The following MSI2 variants were observed in gnomAD, a reference collection of about 807,000 sequenced individuals.
MSI2 encodes the protein musashi RNA binding protein 2, also known as RNA-binding protein Musashi homolog 2.
In MSI2, 17 loss-of-function variants were observed where a neutral mutation model predicts 45.6. That is an observed-to-expected ratio of 0.37 (90% confidence interval 0.26 to 0.56). MSI2 has a LOEUF of 0.56. Among genes scored for constraint, MSI2 ranks in the 20% least tolerant of loss-of-function variants. The pLI is 0.77. For synonymous variants in MSI2, 156 were observed against 158.2 expected, an observed-to-expected ratio of 0.99 and a Z score of 0.11; for missense variants, 293 against 444.2, an observed-to-expected ratio of 0.66 and a Z score of 3.06.
intron 7 of MSI2, among the ~76,000 whole-genome samples, chr17:57,561,388 C>T (rs958899925): frequency 6.6e-6 from 1 of 152,190 alleles, no homozygotes; most frequent in African/African-American, 2.4e-5. Context: ...ACAAAAATCC[C>T]CGCTCTTGCT....
chr17:57,387,171 T>C (rs376164872), intron 5 of MSI2, among the ~76,000 whole-genome samples: 19 of 152,354 alleles, frequency 1.2e-4, no homozygotes, highest in East Asian at 9.6e-4. Context: ...TATCTTTTCC[T>C]TTTTTCTTTT....
At chr17:57,376,311 G>A (rs1404117292) in intron 5 of MSI2, among the ~76,000 whole-genome samples, 2 of 152,222 alleles carry the variant, frequency 1.3e-5, no homozygotes, top group African/African-American at 2.4e-5. Flanking sequence ...TCAAAGGGAT[G>A]AAGAGTCTTG....
intron 6 of MSI2, among the ~76,000 whole-genome samples, chr17:57,404,023 G>A (rs1309567845): frequency 6.6e-6 from 1 of 152,086 alleles, no homozygotes; most frequent in Non-Finnish European, 1.5e-5. Context: ...ATTTCTAACT[G>A]TATGAAATTG....
chr17:57,610,333 T>C (rs1027514599), intron 8 of MSI2, among the ~76,000 whole-genome samples: 1 of 151,940 alleles, frequency 6.6e-6, no homozygotes, highest in Admixed American at 6.6e-5. Context: ...GCACCTATAG[T>C]CCCAGCTACT....
chr17:57,513,257 A>G (rs542071359), intron 6 of MSI2, among the ~76,000 whole-genome samples: 45 of 152,154 alleles, frequency 3.0e-4, no homozygotes, highest in Non-Finnish European at 5.6e-4. Flanking sequence ...TACAGGCATG[A>G]GCCACCACGC....
At chr17:57,473,719 GCCC>G (rs1191096923) in intron 6 of MSI2, among the ~76,000 whole-genome samples, 1 of 152,158 alleles carries the variant, frequency 6.6e-6, no homozygotes, top group Non-Finnish European at 1.5e-5. Flanking sequence ...ATGTTTGGTT[GCCC>G]CTGGAATCCA....
chr17:57,284,329 C>T (rs895458346), intron 5 of MSI2, among the ~76,000 whole-genome samples: 2 of 152,116 alleles, frequency 1.3e-5, no homozygotes, highest in African/African-American at 2.4e-5. Context: ...TGCCATCCAC[C>T]CCGCACCCGC....
chr17:57,476,066 T>A (rs148417463), intron 6 of MSI2, among the ~76,000 whole-genome samples: 1 of 152,336 alleles, frequency 6.6e-6, no homozygotes, highest in Non-Finnish European at 1.5e-5. Flanking sequence ...GTGTGTAATC[T>A]TTGTATTCTG....
intron 8 of MSI2, among the ~76,000 whole-genome samples, chr17:57,614,637 G>C (rs931648747): frequency 6.6e-6 from 1 of 152,084 alleles, no homozygotes; most frequent in Non-Finnish European, 1.5e-5. Flanking sequence ...AAAAGCATCC[G>C]TGCCTTACCC....
chr17:57,560,047 G>A (rs893808926), intron 7 of MSI2, among the ~76,000 whole-genome samples: 12 of 152,264 alleles, frequency 7.9e-5, no homozygotes, highest in Non-Finnish European at 1.6e-4. Context: ...ATTATACCAT[G>A]TTAACAGCTT....
intron 7 of MSI2, among the ~76,000 whole-genome samples, chr17:57,555,115 A>T (rs1192830357): frequency 1.3e-5 from 2 of 152,178 alleles, no homozygotes; most frequent in Non-Finnish European, 2.9e-5. Context: ...CCACTGACCC[A>T]TGTCCCTTCC....
chr17:57,672,573 A>G (rs571489402), intron 11 of MSI2, among the ~76,000 whole-genome samples: 14 of 152,214 alleles, frequency 9.2e-5, no homozygotes, highest in Non-Finnish European at 1.9e-4. Context: ...CCCATTAGTT[A>G]GGTGGGCCTG....
At chr17:57,358,229 T>C (rs1057267433) in intron 5 of MSI2, among the ~76,000 whole-genome samples, 1 of 142,884 alleles carries the variant, frequency 7.0e-6, no homozygotes, top group African/African-American at 2.5e-5. Flanking sequence ...GTGTGTGTGT[T>C]TATGGACAGC....
At chr17:57,560,516 T>C (rs1791971652) in intron 7 of MSI2, among the ~76,000 whole-genome samples, 2 of 152,206 alleles carry the variant, frequency 1.3e-5, no homozygotes, top group African/African-American at 2.4e-5. Flanking sequence ...AGAAGAGTGG[T>C]TGGGAAACAA....
chr17:57,555,401 C>A (rs1026062681), intron 7 of MSI2, among the ~76,000 whole-genome samples: 1 of 152,228 alleles, frequency 6.6e-6, no homozygotes, highest in African/African-American at 2.4e-5. Context: ...TCAGGCGCCT[C>A]AGTGTGGCCT....
At chr17:57,306,511 C>A (rs1911913977) in intron 5 of MSI2, among the ~76,000 whole-genome samples, 1 of 150,946 alleles carries the variant, frequency 6.6e-6, no homozygotes, top group Non-Finnish European at 1.5e-5. Flanking sequence ...GAGTTCCCAT[C>A]AGGGTTCTGC....
chr17:57,374,319 A>G (rs1007908333), intron 5 of MSI2, among the ~76,000 whole-genome samples: 3 of 152,214 alleles, frequency 2.0e-5, no homozygotes, highest in Non-Finnish European at 2.9e-5. Context: ...TTCAAATCCA[A>G]TTCCAACTTG....
chr17:57,646,549 C>A (rs1910676262), intron 10 of MSI2, among the ~76,000 whole-genome samples: 1 of 152,168 alleles, frequency 6.6e-6, no homozygotes, highest in Non-Finnish European at 1.5e-5. Flanking sequence ...TCATCTTGCC[C>A]AACCTCCTTG....
intron 6 of MSI2, chr17:57,522,456 T>C (rs1805561911): frequency 6.6e-6 from 1 of 151,998 alleles, no homozygotes; most frequent in East Asian, 1.9e-4. Flanking sequence ...CTTGCGGGTG[T>C]GTATATTTAT....
Sources: allele counts gnomAD v4.1 joint callset (sites outside exome capture counted in the v4.1 genomes callset), GRCh38; gene constraint gnomAD v4.1.1; transcripts MANE v1.5; gene names NCBI Gene and HGNC (gene_info 2026-07-23, HGNC 2026-07-21).